The following DPYS variants were observed in gnomAD, a reference collection of about 807,000 sequenced individuals.
The protein encoded by DPYS is dihydropyrimidinase, also known as dihydropyrimidine amidohydrolase.
A neutral mutation model predicts 50.3 loss-of-function variants in DPYS; 39 were observed. The observed-to-expected ratio is 0.78, with a 90% confidence interval of 0.60 to 1.01. The LOEUF (loss-of-function observed/expected upper bound fraction) is 1.01, where lower values mean the gene tolerates loss of function less well. DPYS is among the 50% of genes least tolerant of loss of function. The pLI is 0.00. For missense variants in DPYS, 659 were observed against 680.9 expected (o/e 0.97, Z 0.36); for synonymous variants, 245 against 250.7 (o/e 0.98, Z 0.22).
At position 104,424,914 on chromosome 8, in the gene DPYS, T is replaced by A. The variant is rs371847827; in HGVS notation, c.1093-525A>T. ...CGATCTTGGCTCACTGCAACCTCCATCTCCCAGGTTCAAGCGATTCTCCTG... is the reference window on the plus strand; with the variant it reads ...CGATCTTGGCTCACTGCAACCTCCAACTCCCAGGTTCAAGCGATTCTCCTG... On this transcript the variant is annotated intron_variant, in intron 6 of 9. Transcript: ENST00000351513. Among the ~76,000 whole-genome samples the A allele has an allele frequency of 2.9e-3, 428 of 145,564 alleles. 3 individuals are homozygous for A. The highest frequency in any genetic ancestry group is 0.01 in the African/African-American group (413 of 39,506).
intron 7 of DPYS, among the ~76,000 whole-genome samples, chr8:104,407,721 A>G (rs570298719): frequency 1.3e-5 from 2 of 152,092 alleles, no homozygotes; most frequent in African/African-American, 2.4e-5. Context: ...CAAAACTACA[A>G]CTTAGTCTTT....
chr8:104,429,462 A>C, intron 5 of DPYS, 83 bp downstream of exon 5: 2 of 1,576,298 alleles, frequency 1.3e-6, no homozygotes, highest in Non-Finnish European at 1.7e-6. Context: ...AGGTTAGTGG[A>C]GGATCCAGAT....
chr8:104,406,824 AACAC>A (rs143294578), intron 7 of DPYS, among the ~76,000 whole-genome samples: 1 of 151,840 alleles, frequency 6.6e-6, no homozygotes, highest in African/African-American at 2.4e-5. Context: ...CATATGTATA[AACAC>A]ACACACACAC....
chr8:104,431,261 T>G (rs1183337008), intron 4 of DPYS, among the ~76,000 whole-genome samples: 1 of 152,062 alleles, frequency 6.6e-6, no homozygotes, highest in Non-Finnish European at 1.5e-5. Context: ...TTAACAGCAC[T>G]CAGGAAAAAT....
intron 7 of DPYS, among the ~76,000 whole-genome samples, chr8:104,418,338 A>C (rs1012772268): frequency 1.6e-4 from 25 of 152,164 alleles, no homozygotes; most frequent in Non-Finnish European, 7.4e-5. Flanking sequence ...CCAACATCTA[A>C]TGGTGTGAGA....
intron 7 of DPYS, among the ~76,000 whole-genome samples, chr8:104,400,878 A>G (rs1479653618): frequency 6.6e-6 from 1 of 152,240 alleles, no homozygotes; most frequent in Non-Finnish European, 1.5e-5. Context: ...AGCTGCAGAA[A>G]AACATTCTGT....
intron 7 of DPYS, among the ~76,000 whole-genome samples, chr8:104,406,653 A>C (rs547788997): frequency 1.1e-4 from 17 of 152,208 alleles, no homozygotes; most frequent in African/African-American, 4.1e-4. Context: ...CTTCACCTCC[A>C]TCTTCCCTTC....
chr8:104,467,053 T>C lies in DPYS; in HGVS notation c.-133A>G, dbSNP rs748606791. Reference sequence around the variant, plus strand: ...CCCGAGCTCTGCCTCAGGCTGCAAATCCGGAGCCCGGCGGCCTGACGGGTT... The same window carrying C: ...CCCGAGCTCTGCCTCAGGCTGCAAACCCGGAGCCCGGCGGCCTGACGGGTT... On this transcript the variant is annotated 5_prime_UTR_variant, in exon 1 of 10. Transcript: ENST00000351513. 9.3e-5 allele frequency: 108 copies of C among 1,163,856 alleles called. No homozygotes were observed. Among genetic ancestry groups the C allele is most frequent in the Non-Finnish European group, 1.1e-4 (102 of 890,618 alleles). 72.1% of individuals were successfully genotyped at this position (1,163,856 alleles called of 1,614,324 possible).
At chr8:104,442,898 C>A (rs1347352741) in intron 4 of DPYS, among the ~76,000 whole-genome samples, 1 of 152,094 alleles carries the variant, frequency 6.6e-6, no homozygotes, top group East Asian at 1.9e-4. Flanking sequence ...CCTGTCTCTA[C>A]AAAAAGTTTA....
rs192788887 is a variant in DPYS at position 104,395,664 on chromosome 8, A to T, written c.1236-2673T>A. Among the ~76,000 whole-genome samples, 190 of 152,316 alleles carry T rather than the reference A, an allele frequency of 1.2e-3. 1 individual carries two copies. The highest frequency in any genetic ancestry group is 4.3e-3 in the African/African-American group (180 of 41,562). On this transcript the variant is annotated intron_variant, in intron 7 of 9. Transcript: ENST00000351513. ...TTGTTGCTGCATAGTATTCCACTGTATGGACATACCGCAGTGCTATACATT... is the reference window on the plus strand; with the variant it reads ...TTGTTGCTGCATAGTATTCCACTGTTTGGACATACCGCAGTGCTATACATT...
chr8:104,452,589 C>A (rs1174778952), intron 1 of DPYS, among the ~76,000 whole-genome samples: 2 of 152,222 alleles, frequency 1.3e-5, no homozygotes, highest in Non-Finnish European at 2.9e-5. Context: ...TGCCTGTAAT[C>A]TCAGCACTCT....
rs148513732 is a variant in DPYS, at chr8:104,451,378, C to T, written c.291G>A (p.Met97Ile). Residue 97 changes from methionine (M) to isoleucine (I), a missense_variant, in exon 2 of 10, where the codon ATG becomes ATA. Coordinates refer to ENST00000351513, the MANE Select transcript of DPYS (RefSeq NM_001385.3). ...TCTGAGGAATGGCGAAATCAATAATCATGGTGGTGCCTCCTGAGAGAGCAG... is the reference window on the plus strand; with the variant it reads ...TCTGAGGAATGGCGAAATCAATAATTATGGTGGTGCCTCCTGAGAGAGCAG... ...TKAALSGGTT[M>I]IIDFAIPQKG... 19 of 1,614,174 alleles carry T rather than the reference C, an allele frequency of 1.2e-5. No individual in the cohort carries two copies. In the African/African-American group the frequency reaches 2.5e-4, roughly 22 times the overall value.
intron 4 of DPYS, among the ~76,000 whole-genome samples, chr8:104,431,302 C>A (rs553809749): frequency 6.6e-6 from 1 of 152,054 alleles, no homozygotes; most frequent in South Asian, 2.1e-4. Context: ...GGGAGTCTGC[C>A]AGGACTGTTT....
intron 3 of DPYS, among the ~76,000 whole-genome samples, chr8:104,446,284 A>G (rs1373806687): frequency 2.0e-5 from 3 of 152,200 alleles, no homozygotes; most frequent in Admixed American, 2.0e-4. Context: ...AAAGGTGAAA[A>G]AGATATGAAG....
chr8:104,411,323 C>T lies in DPYS; in HGVS notation c.1235+12924G>A, dbSNP rs550408969. 2.0e-5 allele frequency among the ~76,000 whole-genome samples: 3 copies of T among 152,300 alleles called. No homozygotes were observed. In the South Asian group the frequency reaches 6.2e-4, roughly 32 times the overall value. On this transcript the variant is annotated intron_variant, in intron 7 of 9. Coordinates refer to ENST00000351513, the MANE Select transcript of DPYS (RefSeq NM_001385.3). ...TCCACCATGTGAGGAATTCAGCAAT[C>T]CTTCTACACAGATAAAGGCTCCATT...
intron 7 of DPYS, among the ~76,000 whole-genome samples, chr8:104,408,205 A>G (rs1241079916): frequency 6.6e-6 from 1 of 152,248 alleles, no homozygotes; most frequent in East Asian, 1.9e-4. Flanking sequence ...GAACAAAGTC[A>G]ATGTTTCAAT....
chr8:104,381,185 G>T lies in DPYS; in HGVS notation c.*13C>A. ...CTTTTCTTGCCTACAGTCCCTTACC[G>T]ATGGCACACACTTCAGGGGTGGGCC... is the stretch of plus-strand genomic sequence containing the variant. On this transcript the variant is annotated splice_region_variant and 3_prime_UTR_variant, in exon 9 of 10. Transcript: ENST00000351513. 3.7e-6 allele frequency: 6 copies of T among 1,610,612 alleles called. No homozygotes were observed. The highest frequency in any genetic ancestry group is 5.1e-6 in the Non-Finnish European group (6 of 1,177,126).
chr8:104,465,998 C>T (rs113689411), intron 1 of DPYS, among the ~76,000 whole-genome samples: 3 of 149,756 alleles, frequency 2.0e-5, no homozygotes, highest in Non-Finnish European at 4.4e-5. Context: ...GTGAGTGTTG[C>T]GAGATCATTT....
At chr8:104,402,445 G>A (rs1811851930) in intron 7 of DPYS, among the ~76,000 whole-genome samples, 1 of 152,190 alleles carries the variant, frequency 6.6e-6, no homozygotes, top group South Asian at 2.1e-4. Context: ...AGTACTTATA[G>A]GTAAGGTACG....
Sources: gnomAD v4.1 joint callset for allele counts (sites outside exome capture counted in the v4.1 genomes callset) on GRCh38, gnomAD v4.1.1 for gene constraint, MANE v1.5 for transcripts, NCBI Gene and HGNC (gene_info 2026-07-23, HGNC 2026-07-21) for gene names.